The following COL21A1 variants were observed in gnomAD, a reference collection of about 807,000 sequenced individuals.
The protein encoded by COL21A1 is collagen alpha-1(XXI) chain.
COL21A1 carries 149 observed loss-of-function variants against 137.9 expected under a neutral mutation model. The observed-to-expected ratio is 1.08, with a 90% CI of 0.95 to 1.24. The LOEUF is 1.24. Ranked by LOEUF, COL21A1 falls within the 50% of genes most tolerant of loss-of-function variation. The pLI is 0.00. For synonymous variants in COL21A1, 456 were observed against 391.5 expected (o/e 1.16, Z -1.95); for missense variants, 1,167 against 1,158.4 (o/e 1.01, Z -0.11).
chr6:56,094,779 G>A (rs2114222091), intron 17 of COL21A1, among the ~76,000 whole-genome samples: 1 of 152,250 alleles, frequency 6.6e-6, no homozygotes, highest in South Asian at 2.1e-4. Context: ...GCAATTAGGA[G>A]GTGTAAGTTG....
chr6:56,385,561 T>C (rs1034827134), intron 1 of COL21A1, among the ~76,000 whole-genome samples: 1 of 152,146 alleles, frequency 6.6e-6, no homozygotes, highest in Non-Finnish European at 1.5e-5. Context: ...TTTTAAAAAA[T>C]TGAGATAAAA....
intron 9 of COL21A1, among the ~76,000 whole-genome samples, chr6:56,162,661 T>C (rs766140601): frequency 6.6e-6 from 1 of 152,206 alleles, no homozygotes; most frequent in Non-Finnish European, 1.5e-5. Context: ...CTCTAGGCTT[T>C]GATAGGTCAG....
chr6:56,192,430 A>T (rs541551243), intron 1 of COL21A1, among the ~76,000 whole-genome samples: 1 of 152,006 alleles, frequency 6.6e-6, no homozygotes, highest in Non-Finnish European at 1.5e-5. Flanking sequence ...AAATCTATCC[A>T]TCTATCCAAC....
chr6:56,289,497 G>A (rs970997777), intron 1 of COL21A1, among the ~76,000 whole-genome samples: 1 of 152,162 alleles, frequency 6.6e-6, no homozygotes. Context: ...TCTCTGCTAA[G>A]GTTTTATGAT....
At chr6:56,340,634 GTTGGCTGTGTTTATTTTCAAGTAGCAAT>G (rs1277739444) in intron 1 of COL21A1, among the ~76,000 whole-genome samples, 8 of 152,090 alleles carry the variant, frequency 5.3e-5, no homozygotes, top group Non-Finnish European at 1.0e-4. Flanking sequence ...GAGATTCTCT[GTTGGCTGTGTTTATTTTCAAGTAGCAAT>G]TTGGCTTTCC....
intron 1 of COL21A1, among the ~76,000 whole-genome samples, chr6:56,198,385 T>G (rs1779171333): frequency 6.6e-6 from 1 of 152,114 alleles, no homozygotes; most frequent in South Asian, 2.1e-4. Flanking sequence ...AAAAAAATGA[T>G]ACCTAGTGAG....
chr6:56,315,920 T>C (rs1212576715), intron 1 of COL21A1, among the ~76,000 whole-genome samples: 1 of 152,208 alleles, frequency 6.6e-6, no homozygotes, highest in African/African-American at 2.4e-5. Context: ...TTAGCTTGAC[T>C]GTAGTAATCA....
rs912640531 is a variant in COL21A1, at chr6:56,057,826, C to G, written c.2705G>C (p.Gly902Ala). 19 of 1,566,094 alleles carry G rather than the reference C, an allele frequency of 1.2e-5. No individual in the cohort carries two copies. The African/African-American group carries it at 2.1e-4, about 17-fold the overall frequency. The part of the protein sequence containing the change: ...PGPPGPEGPP[G>A]ISKEGPPGDP... ...TCCTGGAGGACCTTCTTTGCTTATT[C>G]CAGGAGGGCCCTCTGGACCTAAGAT... Residue 902 changes from glycine (G) to alanine (A), a missense_variant, in exon 30 of 30, where the codon GGA becomes GCA. Coordinates refer to ENST00000244728, the MANE Select transcript of COL21A1 (RefSeq NM_030820.4).
At chr6:56,070,425 G>C (rs1250657707) in intron 21 of COL21A1, among the ~76,000 whole-genome samples, 3 of 151,538 alleles carry the variant, frequency 2.0e-5, no homozygotes, top group African/African-American at 4.8e-5. Context: ...TCATTCATGA[G>C]AACTACATGC....
intron 1 of COL21A1, among the ~76,000 whole-genome samples, chr6:56,308,994 A>G (rs1304732635): frequency 1.3e-5 from 2 of 151,588 alleles, no homozygotes; most frequent in East Asian, 3.9e-4. Flanking sequence ...AGATTCAGAG[A>G]CTTCCATTTG....
At chr6:56,369,606 ACT>A (rs2152349877) in intron 1 of COL21A1, among the ~76,000 whole-genome samples, 1 of 117,174 alleles carries the variant, frequency 8.5e-6, no homozygotes. Flanking sequence ...AATTGTGAAA[ACT>A]TTTTTTATAA....
At chr6:56,279,270 C>T (rs1465846021) in intron 1 of COL21A1, among the ~76,000 whole-genome samples, 1 of 152,154 alleles carries the variant, frequency 6.6e-6, no homozygotes, top group African/African-American at 2.4e-5. Context: ...GAGGCCTCCC[C>T]AGAAGCCAAT....
Position 56,204,274 on chromosome 6 carries a change from T to G in COL21A1, c.-38-21618A>C, listed in dbSNP as rs955740361. 3.0e-4 allele frequency among the ~76,000 whole-genome samples: 46 copies of G among 152,026 alleles called. 1 individual carries two copies. Among genetic ancestry groups the G allele is most frequent in the Admixed American group, 2.1e-3 (32 of 15,276 alleles). ...TGCTAGGACAGCAGTCTGAGATGCTTGAGCTTGGTATGGGGAGGGGCATGC... is the reference window on the plus strand; with the variant it reads ...TGCTAGGACAGCAGTCTGAGATGCTGGAGCTTGGTATGGGGAGGGGCATGC... On this transcript the variant is annotated intron_variant, in intron 1 of 29. Transcript: ENST00000244728.
intron 1 of COL21A1, among the ~76,000 whole-genome samples, chr6:56,345,809 T>TC (rs1181109493): frequency 1.3e-5 from 2 of 152,258 alleles, no homozygotes; most frequent in Non-Finnish European, 2.9e-5. Context: ...AATGAAGTTG[T>TC]CAGAGGAGGC....
At chr6:56,229,459 A>T (rs1781411286) in intron 1 of COL21A1, among the ~76,000 whole-genome samples, 1 of 152,038 alleles carries the variant, frequency 6.6e-6, no homozygotes, top group African/African-American at 2.4e-5. Context: ...ATATCTCGAA[A>T]GGAGACTCTG....
intron 12 of COL21A1, among the ~76,000 whole-genome samples, chr6:56,134,739 G>A (rs62413470): frequency 0.18 from 26,897 of 152,112 alleles, 2,532 homozygotes; most frequent in Middle Eastern, 0.29. Context: ...AATAAGTCTC[G>A]TGAGATCTGA....
At chr6:56,060,831 A>G (rs758079801) in intron 26 of COL21A1, 36 bp from the exon 27 acceptor site, 1 of 1,587,424 alleles carries the variant, frequency 6.3e-7, no homozygotes, top group South Asian at 1.2e-5. Context: ...ACATGCACAT[A>G]AAGAACATGA....
In COL21A1 at chr6:56,060,207, C is replaced by T. The variant is rs772162888; in HGVS notation, c.2419G>A (p.Val807Ile). The T allele has an allele frequency of 1.3e-6, 2 of 1,599,986 alleles. No individual in the cohort carries two copies. The highest frequency in any genetic ancestry group is 4.6e-5 in the East Asian group (2 of 43,878). ...CTAATTCTTCCACTCTGAAGTAAGA[C>T]TGGTAGCTGGGCTTTCAAAAACAAA... ...CTDVIRAQLP[V>I]LLQSGRIRNC... The change falls in exon 28 of 30, where the codon GTC (valine) becomes ATC (isoleucine). Residue 807 changes from valine (V) to isoleucine (I), a missense_variant. Transcript: ENST00000244728.
intron 20 of COL21A1, among the ~76,000 whole-genome samples, 185 bp from the exon 21 acceptor site, chr6:56,070,983 G>T (rs893994224): frequency 5.3e-5 from 8 of 151,434 alleles, no homozygotes; most frequent in African/African-American, 1.9e-4. Flanking sequence ...GGCAAGGAAG[G>T]GGTTCCACAT....
Sources: gnomAD v4.1 joint callset for allele counts (sites outside exome capture counted in the v4.1 genomes callset) on GRCh38, gnomAD v4.1.1 for gene constraint, MANE v1.5 for transcripts, NCBI Gene and HGNC (gene_info 2026-07-23, HGNC 2026-07-21) for gene names.